The following HCK variants were observed in gnomAD, a reference collection of about 807,000 sequenced individuals.
HCK encodes HCK proto-oncogene, Src family tyrosine kinase.
In HCK, 40 loss-of-function variants were observed where a neutral mutation model predicts 70.4. That is an observed-to-expected ratio of 0.57 (90% confidence interval 0.44 to 0.74). The LOEUF is 0.74. Among genes scored for constraint, HCK ranks in the 30% least tolerant of loss-of-function variants. HCK has a pLI of 0.00. For synonymous variants in HCK, 245 were observed against 263.2 expected (o/e 0.93, Z 0.67); for missense variants, 568 against 697.2 (o/e 0.81, Z 2.09).
intron 6 of HCK, among the ~76,000 whole-genome samples, 195 bp downstream of exon 6, chr20:32,080,072 T>G (rs1196875699): frequency 1.3e-5 from 2 of 152,234 alleles, no homozygotes; most frequent in African/African-American, 4.8e-5. Context: ...GCCCTTCTTA[T>G]CCACCATAGC....
At chr20:32,085,147 A>C (rs892265450) in intron 8 of HCK, among the ~76,000 whole-genome samples, 1 of 152,364 alleles carries the variant, frequency 6.6e-6, no homozygotes, top group Non-Finnish European at 1.5e-5. Flanking sequence ...GACAACTTAC[A>C]GGGATGCAAA....
intron 10 of HCK, among the ~76,000 whole-genome samples, chr20:32,093,490 C>CGT (rs3073297): frequency 0.061 from 8,905 of 146,330 alleles, 264 homozygotes; most frequent in African/African-American, 0.074. Context: ...TCCTAGGGTT[C>CGT]GTGTGTGTGT....
At chr20:32,068,225 G>A (rs1174000937) in intron 1 of HCK, among the ~76,000 whole-genome samples, 3 of 151,974 alleles carry the variant, frequency 2.0e-5, no homozygotes, top group African/African-American at 7.2e-5. Flanking sequence ...TTGAACCCTG[G>A]AGGCAGAGGT....
chr20:32,088,399 A>C (rs1226321458), intron 9 of HCK, among the ~76,000 whole-genome samples, 169 bp from the exon 10 acceptor site: 1 of 152,202 alleles, frequency 6.6e-6, no homozygotes, highest in Non-Finnish European at 1.5e-5. Context: ...ACTAAAACTC[A>C]ATTCTCTTTC....
rs189947820 is a variant in HCK at position 32,084,483 on chromosome 20, C to A, written c.775C>A (p.Arg259=). The change falls in exon 8 of 13, where the codon CGG becomes AGG. Residue 259 remains arginine, a synonymous_variant. Coordinates refer to ENST00000375852, the MANE Select transcript of HCK (RefSeq NM_002110.5). ...GGAGAAAGATGCCTGGGAGATCCCT[C>A]GGGAATCCCTCAAGCTGGAGAAGAA... The A allele has an allele frequency of 6.2e-7, 1 of 1,614,066 alleles. No individual in the cohort carries two copies. The highest frequency in any genetic ancestry group is 8.5e-7 in the Non-Finnish European group (1 of 1,180,002).
intron 5 of HCK, among the ~76,000 whole-genome samples, chr20:32,075,704 A>G (rs1456353120): frequency 6.6e-6 from 1 of 151,228 alleles, no homozygotes; most frequent in Non-Finnish European, 1.5e-5. Flanking sequence ...CCATCCATCC[A>G]TTCATCCATC....
intron 1 of HCK, among the ~76,000 whole-genome samples, chr20:32,057,260 C>A (rs949146173): frequency 6.6e-6 from 1 of 152,230 alleles, no homozygotes; most frequent in Non-Finnish European, 1.5e-5. Flanking sequence ...TTTGAGTTTT[C>A]AAACCCCACC....
chr20:32,058,404 C>T (rs977800017), intron 1 of HCK, among the ~76,000 whole-genome samples: 27 of 151,706 alleles, frequency 1.8e-4, no homozygotes, highest in African/African-American at 4.4e-4. Flanking sequence ...TGGTGGCGGG[C>T]GCCTGTAATT....
intron 1 of HCK, among the ~76,000 whole-genome samples, chr20:32,063,983 T>C (rs1022041387): frequency 4.6e-4 from 61 of 132,776 alleles, no homozygotes; most frequent in Non-Finnish European, 7.5e-4. Context: ...CACATGCCCA[T>C]CTCTACTTCT....
At chr20:32,066,304 T>C (rs890510020) in intron 1 of HCK, among the ~76,000 whole-genome samples, 1 of 26,436 alleles carries the variant, frequency 3.8e-5, no homozygotes, top group African/African-American at 3.2e-4. Flanking sequence ...CTCCAGTGAC[T>C]TTTTTTTTTT....
intron 5 of HCK, among the ~76,000 whole-genome samples, chr20:32,078,700 T>C (rs561870969): frequency 1.3e-5 from 2 of 151,404 alleles, no homozygotes; most frequent in South Asian, 4.2e-4. Context: ...CTACTAAAAA[T>C]ACAAAAATTA....
At chr20:32,095,951 G>A (rs978398939) in intron 11 of HCK, among the ~76,000 whole-genome samples, 5 of 151,244 alleles carry the variant, frequency 3.3e-5, no homozygotes, top group African/African-American at 4.9e-5. Flanking sequence ...GTGCATTGGC[G>A]CCATCTCAGC....
At chr20:32,058,808 C>T (rs918502247) in intron 1 of HCK, among the ~76,000 whole-genome samples, 9 of 152,126 alleles carry the variant, frequency 5.9e-5, no homozygotes, top group Non-Finnish European at 1.2e-4. Context: ...AAGGTGTCTT[C>T]TAAGCCCAGT....
rs772909371 is a variant in HCK, at chr20:32,101,371, G to A, written c.1433G>A (p.Arg478His). 3.0e-5 allele frequency: 48 copies of A among 1,613,990 alleles called. No homozygotes were observed. The highest frequency in any genetic ancestry group is 2.5e-4 in the East Asian group (11 of 44,890). Reference sequence around the variant, plus strand: ...CTGGAGCGTGGATACCGGATGCCTCGCCCAGAGAACTGCCCAGAGGAGCTC... The same window carrying A: ...CTGGAGCGTGGATACCGGATGCCTCACCCAGAGAACTGCCCAGAGGAGCTC... The change falls in exon 13 of 13, where the codon CGC (arginine) becomes CAC (histidine). Residue 478 changes from arginine to histidine, a missense_variant. Transcript: ENST00000375852.
At chr20:32,073,476 C>T in intron 3 of HCK, 115 bp downstream of exon 3, 1 of 950,648 alleles carries the variant, frequency 1.1e-6, no homozygotes, top group Non-Finnish European at 1.6e-6. Context: ...CGAGAATCCC[C>T]AAAATTTCCT....
intron 1 of HCK, among the ~76,000 whole-genome samples, chr20:32,059,462 TTCC>T (rs1234039285): frequency 2.7e-4 from 40 of 149,188 alleles, no homozygotes; most frequent in African/African-American, 8.4e-4. Flanking sequence ...CTTCTTTCCC[TTCC>T]TCCTCCTCCT....
intron 5 of HCK, among the ~76,000 whole-genome samples, chr20:32,078,886 G>A (rs1287821625): frequency 2.7e-5 from 4 of 146,476 alleles, no homozygotes; most frequent in East Asian, 2.0e-4. Context: ...AAAAGGGGGG[G>A]AATGATAAAG....
At chr20:32,081,072 G>C (rs967310801) in intron 6 of HCK, among the ~76,000 whole-genome samples, 3 of 152,094 alleles carry the variant, frequency 2.0e-5, no homozygotes, top group Non-Finnish European at 4.4e-5. Flanking sequence ...CTGGGCAACA[G>C]AGCAAGACCC....
chr20:32,097,505 G>A (rs997083573), intron 11 of HCK, among the ~76,000 whole-genome samples: 4 of 151,852 alleles, frequency 2.6e-5, no homozygotes, highest in East Asian at 1.9e-4. Context: ...CGTGAAAGCC[G>A]GGAGGCGGAA....
Sources: allele counts gnomAD v4.1 joint callset (sites outside exome capture counted in the v4.1 genomes callset), GRCh38; gene constraint gnomAD v4.1.1; transcripts MANE v1.5; gene names NCBI Gene and HGNC (gene_info 2026-07-23, HGNC 2026-07-21).